Variants in GABRB3 observed in about 807,000 individuals in gnomAD.
GABRB3 encodes the protein gamma-aminobutyric acid type A receptor subunit beta3.
In GABRB3, 14 loss-of-function variants were observed where a neutral mutation model predicts 52.1. The observed-to-expected ratio is 0.27, with a 90% CI of 0.18 to 0.42. The LOEUF (loss-of-function observed/expected upper bound fraction) is 0.42. GABRB3 is among the 10% of genes least tolerant of loss of function. The pLI is 1.00. For missense variants in GABRB3, 307 were observed against 609.1 expected (o/e 0.50, Z 5.22); for synonymous variants, 260 against 232.3 (o/e 1.12, Z -1.08).
chr15:26,585,793 A>G (rs1479100405), intron 4 of GABRB3, among the ~76,000 whole-genome samples: 1 of 152,124 alleles, frequency 6.6e-6, no homozygotes, highest in African/African-American at 2.4e-5. Context: ...ATATTTTTCT[A>G]CAGCATTTAA....
intron 6 of GABRB3, among the ~76,000 whole-genome samples, chr15:26,568,411 C>G (rs1052324156): frequency 1.3e-5 from 2 of 152,108 alleles, no homozygotes; most frequent in African/African-American, 4.8e-5. Context: ...ATCCTACCAC[C>G]ACCACCATGA....
At chr15:26,718,547 T>C (rs1017144732) in intron 3 of GABRB3, among the ~76,000 whole-genome samples, 1 of 152,160 alleles carries the variant, frequency 6.6e-6, no homozygotes, top group Non-Finnish European at 1.5e-5. Flanking sequence ...AAAGAATCCA[T>C]ACTAACGCTG....
At chr15:26,753,839 G>C (rs1015530743) in intron 3 of GABRB3, among the ~76,000 whole-genome samples, 1 of 152,180 alleles carries the variant, frequency 6.6e-6, no homozygotes. Context: ...GGTCTGGGGC[G>C]AGGGCAGGCT....
At position 26,558,458 on chromosome 15, in the gene GABRB3, A is replaced by T. The variant is rs929230861; in HGVS notation, c.1080+2474T>A. Among the ~76,000 whole-genome samples, 4 of 152,312 alleles carry T rather than the reference A, an allele frequency of 2.6e-5. No individual in the cohort carries two copies. In the East Asian group the frequency reaches 7.7e-4, roughly 29 times the overall value. On this transcript the variant is annotated intron_variant, in intron 8 of 8. Coordinates refer to ENST00000311550, the MANE Select transcript of GABRB3 (RefSeq NM_000814.6). ...AGGCATGGAGGGCACAGGATAGAGC[A>T]AGAAAACCTCCATAGGCTTGAGAAA...
intron 3 of GABRB3, among the ~76,000 whole-genome samples, chr15:26,649,434 AC>A (rs1887123388): frequency 6.6e-6 from 1 of 152,332 alleles, no homozygotes; most frequent in African/African-American, 2.4e-5. Context: ...TTGCCCTTGG[AC>A]TTCCTAGTCT....
intron 4 of GABRB3, among the ~76,000 whole-genome samples, chr15:26,588,707 T>TAC (rs1396749637): frequency 1.2e-4 from 18 of 152,218 alleles, no homozygotes; most frequent in African/African-American, 4.1e-4. Context: ...GGCATATATA[T>TAC]ACATATATAT....
chr15:26,551,699 G>C (rs905682351), intron 8 of GABRB3, among the ~76,000 whole-genome samples: 2 of 152,218 alleles, frequency 1.3e-5, no homozygotes, highest in African/African-American at 4.8e-5. Context: ...AGGATGAAGA[G>C]TGTCACCGCG....
At chr15:26,691,296 A>C (rs1380399027) in intron 3 of GABRB3, among the ~76,000 whole-genome samples, 1 of 152,208 alleles carries the variant, frequency 6.6e-6, no homozygotes, top group Non-Finnish European at 1.5e-5. Context: ...ATTTCTTTAT[A>C]AATTTCCTGG....
At chr15:26,653,676 G>A (rs374773183) in intron 3 of GABRB3, among the ~76,000 whole-genome samples, 1 of 152,154 alleles carries the variant, frequency 6.6e-6, no homozygotes, top group Non-Finnish European at 1.5e-5. Flanking sequence ...CTGGGCAGCA[G>A]GCAAAATGGA....
intron 4 of GABRB3, among the ~76,000 whole-genome samples, chr15:26,606,553 A>G (rs1344254997): frequency 2.6e-5 from 4 of 152,154 alleles, no homozygotes; most frequent in Admixed American, 2.0e-4. Context: ...ATTATACTCA[A>G]TGGTAAAATG....
At chr15:26,701,125 T>C (rs1463303801) in intron 3 of GABRB3, among the ~76,000 whole-genome samples, 1 of 151,776 alleles carries the variant, frequency 6.6e-6, no homozygotes, top group East Asian at 1.9e-4. Context: ...AGACAGAGCA[T>C]CTGTGAAACA....
In GABRB3 at chr15:26,721,057, G is replaced by A. The variant is rs191496372; in HGVS notation, c.240+51345C>T. Among the ~76,000 whole-genome samples the A allele has an allele frequency of 3.9e-5, 6 of 152,116 alleles. No individual in the cohort carries two copies. In the East Asian group the frequency reaches 1.2e-3, roughly 30 times the overall value. The stretch of plus-strand genomic sequence containing the variant: ...GCAAGGCTTTCACCCTCCTCCATCC[G>A]CCCAGGGGTCCCCACAAGCTCTCCC... On this transcript the variant is annotated intron_variant, in intron 3 of 8. Transcript: ENST00000311550.
chr15:26,607,279 T>C (rs774364724), intron 4 of GABRB3, among the ~76,000 whole-genome samples: 7 of 152,142 alleles, frequency 4.6e-5, no homozygotes, highest in Non-Finnish European at 8.8e-5. Flanking sequence ...CTTTTATCTA[T>C]GTATATCTAC....
chr15:26,578,925 CCT>C (rs1296151650), intron 6 of GABRB3, among the ~76,000 whole-genome samples: 3 of 152,218 alleles, frequency 2.0e-5, no homozygotes, highest in Admixed American at 6.5e-5. Flanking sequence ...CTCATTTCTC[CCT>C]GAGGTAAACC....
intron 4 of GABRB3, among the ~76,000 whole-genome samples, chr15:26,619,110 A>C (rs1245341202): frequency 3.9e-5 from 6 of 151,926 alleles, no homozygotes; most frequent in African/African-American, 7.3e-5. Flanking sequence ...GTCACTGTGG[A>C]GATTCCTCAG....
chr15:26,772,702 G>A lies in GABRB3; in HGVS notation c.151C>T (p.Arg51Cys). ...VDKLLKGYDI[R>C]LRPDFGGPPV... ...TTACCCCCGAAGTCGGGTCTTAGGC[G>A]AATGTCGTAGCCTTTCAACAGCTTG... Residue 51 changes from arginine (R) to cysteine (C), a missense_variant, in exon 2 of 9, where the codon CGC (arginine) becomes TGC (cysteine). Physicochemically the swap from Arg to Cys is radical, Grantham distance 180. Around this residue, in one of 6 missense-constraint regions of GABRB3, gnomAD observed 90 missense variants for 86.4 expected, o/e 1.04. Coordinates refer to ENST00000311550, the MANE Select transcript of GABRB3 (RefSeq NM_000814.6). 6.3e-7 allele frequency: 1 copy of A among 1,578,006 alleles called. No individual in the cohort carries two copies. Among genetic ancestry groups the A allele is most frequent in the Admixed American group, 1.8e-5 (1 of 57,014 alleles).
intron 3 of GABRB3, among the ~76,000 whole-genome samples, chr15:26,673,997 C>T (rs181651132): frequency 4.1e-4 from 62 of 152,172 alleles, no homozygotes; most frequent in African/African-American, 1.2e-3. Flanking sequence ...GCAGCAAAAG[C>T]CAAACTGTTT....
rs562305617 is a variant in GABRB3 at position 26,719,653 on chromosome 15, G to A, written c.240+52749C>T. Among the ~76,000 whole-genome samples the A allele has an allele frequency of 1.3e-4, 20 of 152,236 alleles. No individual in the cohort carries two copies. The South Asian group carries it at 4.2e-3, about 32-fold the overall frequency. ...ATTGATCCCTGCATTGTAGCTTATC[G>A]TCCTATATTGACCACTGTTTCTGTC... On this transcript the variant is annotated intron_variant, in intron 3 of 8. Coordinates refer to ENST00000311550, the MANE Select transcript of GABRB3 (RefSeq NM_000814.6).
chr15:26,709,772 C>T (rs971578365), intron 3 of GABRB3, among the ~76,000 whole-genome samples: 3 of 152,098 alleles, frequency 2.0e-5, no homozygotes, highest in Non-Finnish European at 4.4e-5. Flanking sequence ...CCACCTTGGC[C>T]TCCCAAAGTG....
Sources: gnomAD v4.1 joint callset for allele counts (sites outside exome capture counted in the v4.1 genomes callset) on GRCh38, gnomAD v4.1.1 for gene constraint, gnomAD v4.1.1 regional missense constraint, MANE v1.5 for transcripts, NCBI Gene and HGNC (gene_info 2026-07-23, HGNC 2026-07-21) for gene names.